Variants in TRAPPC9 observed in about 807,000 individuals in gnomAD.
The protein encoded by TRAPPC9 is trafficking protein particle complex subunit 9, also known as IKK2 binding protein.
A neutral mutation model predicts 124.0 loss-of-function variants in TRAPPC9; 83 were observed. The observed-to-expected ratio is 0.67, with a 90% CI of 0.56 to 0.80. The LOEUF is 0.80. Among genes scored for constraint, TRAPPC9 ranks in the 30% least tolerant of loss-of-function variants. The pLI, the probability that TRAPPC9 is intolerant of heterozygous loss-of-function variation, is 0.00. For missense variants in TRAPPC9, 1,302 were observed against 1,508.3 expected, an observed-to-expected ratio of 0.86 and a Z score of 2.27; for synonymous variants, 638 against 617.5, an observed-to-expected ratio of 1.03 and a Z score of -0.49.
chr8:140,072,787 A>G (rs1177962653), intron 17 of TRAPPC9, among the ~76,000 whole-genome samples: 1 of 151,816 alleles, frequency 6.6e-6, no homozygotes, highest in Admixed American at 6.6e-5. Context: ...ATATATCTTC[A>G]CTAGATACAT....
intron 9 of TRAPPC9, among the ~76,000 whole-genome samples, chr8:140,316,109 TACAAGTTTCTGATA>T (rs2066437365): frequency 6.6e-6 from 1 of 152,114 alleles, no homozygotes; most frequent in South Asian, 2.1e-4. Flanking sequence ...TGCTGTTGAA[TACAAGTTTCTGATA>T]ACTTTGGAGA....
chr8:140,116,913 A>G (rs561330327), intron 17 of TRAPPC9, among the ~76,000 whole-genome samples: 2 of 151,230 alleles, frequency 1.3e-5, no homozygotes, highest in East Asian at 3.9e-4. Flanking sequence ...TTCAGTAAGT[A>G]GGCGGAGTTC....
intron 21 of TRAPPC9, among the ~76,000 whole-genome samples, chr8:139,758,030 G>A (rs1819972997): frequency 6.6e-6 from 1 of 152,206 alleles, no homozygotes; most frequent in Non-Finnish European, 1.5e-5. Flanking sequence ...GATTGGGCCT[G>A]GGCCTCGTGG....
At chr8:140,029,507 AAAAC>A (rs370910765) in intron 17 of TRAPPC9, among the ~76,000 whole-genome samples, 16 of 152,214 alleles carry the variant, frequency 1.1e-4, no homozygotes, top group South Asian at 6.2e-4. Context: ...TCTGTCTCTG[AAAAC>A]AAACAAACAA....
At chr8:140,143,045 G>A (rs1436097007) in intron 17 of TRAPPC9, among the ~76,000 whole-genome samples, 4 of 152,362 alleles carry the variant, frequency 2.6e-5, no homozygotes, top group African/African-American at 9.6e-5. Context: ...TGTTAGTGGA[G>A]TGAGTGAATG....
At chr8:140,250,106 A>C (rs1275003394) in intron 16 of TRAPPC9, among the ~76,000 whole-genome samples, 2 of 152,312 alleles carry the variant, frequency 1.3e-5, no homozygotes, top group African/African-American at 4.8e-5. Context: ...ACGGCATTTG[A>C]TTGTTACAGC....
chr8:140,357,354 C>G (rs538582504), intron 9 of TRAPPC9, among the ~76,000 whole-genome samples: 1 of 152,052 alleles, frequency 6.6e-6, no homozygotes, highest in African/African-American at 2.4e-5. Flanking sequence ...GTGACACTGA[C>G]GGCTCAGGCG....
At chr8:139,886,456 G>GAA (rs1349838696) in intron 20 of TRAPPC9, among the ~76,000 whole-genome samples, 1 of 152,140 alleles carries the variant, frequency 6.6e-6, no homozygotes, top group Non-Finnish European at 1.5e-5. Flanking sequence ...CATAATCGAG[G>GAA]AAGCCATAAA....
At chr8:140,121,629 A>G (rs1042661178) in intron 17 of TRAPPC9, among the ~76,000 whole-genome samples, 1 of 152,232 alleles carries the variant, frequency 6.6e-6, no homozygotes, top group Non-Finnish European at 1.5e-5. Flanking sequence ...TGTTATAATT[A>G]TAGGCACACT....
intron 21 of TRAPPC9, among the ~76,000 whole-genome samples, chr8:139,878,072 A>G (rs552110710): frequency 3.3e-5 from 5 of 152,386 alleles, no homozygotes; most frequent in African/African-American, 1.2e-4. Context: ...AAAAGGCTCT[A>G]GAAAAAGCCA....
intron 21 of TRAPPC9, among the ~76,000 whole-genome samples, chr8:139,838,662 G>GC (rs974278999): frequency 2.9e-4 from 35 of 122,256 alleles, no homozygotes; most frequent in Admixed American, 5.7e-4. Context: ...CTGTGATGAC[G>GC]GGTGGGTGGC....
At position 140,439,113 on chromosome 8, in the gene TRAPPC9, C is replaced by T; in HGVS notation, c.669G>A (p.Leu223=). The T allele has an allele frequency of 5.6e-6, 9 of 1,614,204 alleles. No homozygotes were observed. The South Asian group carries it at 9.9e-5, about 18-fold the overall frequency. The change falls in exon 3 of 23, where the codon CTG becomes CTA. Residue 223 remains leucine, a synonymous_variant. Coordinates refer to ENST00000438773, the MANE Select transcript of TRAPPC9 (RefSeq NM_001160372.4). ...CLQAGMLQDS[L]VHYHMSVELL... ...GCTCCACCGACATGTGGTAATGCAC[C>T]AGGGAGTCCTGCAGCATCCCTGCCT... is the stretch of plus-strand genomic sequence containing the variant.
At chr8:140,236,498 C>G (rs2063734366) in intron 16 of TRAPPC9, among the ~76,000 whole-genome samples, 1 of 152,192 alleles carries the variant, frequency 6.6e-6, no homozygotes, top group Non-Finnish European at 1.5e-5. Flanking sequence ...CTCAAGAGAA[C>G]TGGAGGGTGC....
chr8:140,062,351 C>T (rs1291850546), intron 17 of TRAPPC9, among the ~76,000 whole-genome samples: 2 of 152,218 alleles, frequency 1.3e-5, no homozygotes, highest in Non-Finnish European at 2.9e-5. Flanking sequence ...ACCCACGCTA[C>T]TGAGCATGAC....
At chr8:140,013,115 A>G (rs935266055) in intron 18 of TRAPPC9, among the ~76,000 whole-genome samples, 1 of 152,198 alleles carries the variant, frequency 6.6e-6, no homozygotes, top group Non-Finnish European at 1.5e-5. Context: ...AGTGTAATGG[A>G]TAATTAATGC....
At chr8:139,766,028 G>A (rs551630183) in intron 21 of TRAPPC9, among the ~76,000 whole-genome samples, 141 of 152,390 alleles carry the variant, frequency 9.3e-4, no homozygotes, top group African/African-American at 3.2e-3. Flanking sequence ...TCATCACTGT[G>A]TAATTTCCAT....
At chr8:140,313,000 T>G (rs1465961188) in intron 9 of TRAPPC9, among the ~76,000 whole-genome samples, 1 of 152,106 alleles carries the variant, frequency 6.6e-6, no homozygotes, top group East Asian at 1.9e-4. Context: ...GCTCAAGTGA[T>G]CCCCCCACCT....
chr8:139,958,741 G>A (rs377076473), intron 19 of TRAPPC9, among the ~76,000 whole-genome samples: 2 of 152,238 alleles, frequency 1.3e-5, no homozygotes, highest in African/African-American at 2.4e-5. Flanking sequence ...CCCGAGGCAG[G>A]ACAGGGTGTG....
In TRAPPC9 at chr8:139,757,286, G is replaced by T. The variant is rs75085506; in HGVS notation, c.3056-25084C>A. Among the ~76,000 whole-genome samples the T allele has an allele frequency of 1.2e-3, 168 of 145,060 alleles. 1 individual carries two copies. The highest frequency in any genetic ancestry group is 2.8e-3 in the African/African-American group (108 of 38,194). On this transcript the variant is annotated intron_variant, in intron 21 of 22. Transcript: ENST00000438773. ...GACAGCAGGTTGCAGGAGGAGCCAGGGTTTGGGGATGAGGACAGCAGGTCG... is the reference window on the plus strand; with the variant it reads ...GACAGCAGGTTGCAGGAGGAGCCAGTGTTTGGGGATGAGGACAGCAGGTCG...
Sources: gnomAD v4.1 joint callset for allele counts (sites outside exome capture counted in the v4.1 genomes callset) on GRCh38, gnomAD v4.1.1 for gene constraint, MANE v1.5 for transcripts, NCBI Gene and HGNC (gene_info 2026-07-23, HGNC 2026-07-21) for gene names.